DNM1L: variants seen among roughly 807,000 people sequenced by gnomAD.
DNM1L encodes the protein dynamin 1L.
DNM1L carries 33 observed loss-of-function variants against 92.8 expected under a neutral mutation model. That is an observed-to-expected ratio of 0.36 (90% CI 0.27 to 0.48). DNM1L has a LOEUF of 0.48. DNM1L is among the 20% of genes least tolerant of loss of function. The pLI is 0.99. For missense variants in DNM1L, 485 were observed against 888.8 expected, an observed-to-expected ratio of 0.55 and a Z score of 5.78; for synonymous variants, 284 against 305.0, an observed-to-expected ratio of 0.93 and a Z score of 0.72.
At chr12:32,718,537 A>C (rs1953657659) in intron 6 of DNM1L, 106 bp from the exon 7 acceptor site, 1 of 1,392,976 alleles carries the variant, frequency 7.2e-7, no homozygotes, top group Non-Finnish European at 1.0e-6. Context: ...AGGTAATACT[A>C]AGTGGGATTG....
In DNM1L at chr12:32,722,530, G is replaced by A. The variant is rs897648599; in HGVS notation, c.976G>A (p.Val326Met). The stretch of plus-strand genomic sequence containing the variant: ...TCTTCTAAATAGCTACGGTGAACCC[G>A]TGGATGATAAAAGTGCTACTTTACT... ...QSLLNSYGEP[V>M]DDKSATLLQL... is the part of the protein sequence containing the mutation. The change falls in exon 9 of 20, where the codon GTG becomes ATG. Residue 326 changes from valine to methionine, a missense_variant. Around this residue, in one of 11 missense-constraint regions of DNM1L, gnomAD observed 40 missense variants for 128.7 expected, o/e 0.31. Coordinates refer to ENST00000549701, the MANE Select transcript of DNM1L (RefSeq NM_012062.5). The A allele has an allele frequency of 1.2e-6, 2 of 1,613,380 alleles. No individual in the cohort carries two copies. The highest frequency in any genetic ancestry group is 1.7e-6 in the Non-Finnish European group (2 of 1,179,908).
At chr12:32,736,116 G>A (rs1005561939) in intron 13 of DNM1L, among the ~76,000 whole-genome samples, 1 of 143,426 alleles carries the variant, frequency 7.0e-6, no homozygotes, top group Admixed American at 7.3e-5. Flanking sequence ...CTGTCGCCCA[G>A]GCTGGAGTGC....
chr12:32,727,200 A>G, intron 9 of DNM1L: 1 of 1,064,286 alleles, frequency 9.4e-7, no homozygotes, highest in Non-Finnish European at 1.5e-6. Context: ...TGTATTAGTA[A>G]TCTCAGATTG....
intron 8 of DNM1L, among the ~76,000 whole-genome samples, chr12:32,721,522 G>GA (rs1242138532): frequency 1.3e-5 from 2 of 152,016 alleles, no homozygotes; most frequent in African/African-American, 2.4e-5. Flanking sequence ...TATTATTTAG[G>GA]AAAAACCAAT....
chr12:32,712,407 A>C lies in DNM1L; in HGVS notation c.457-802A>C, dbSNP rs552432687. On this transcript the variant is annotated intron_variant, in intron 5 of 19. Coordinates refer to ENST00000549701, the MANE Select transcript of DNM1L (RefSeq NM_012062.5). ...TCCCTTATTGGCTTAATTTCTGCTC[A>C]TTCTCTTAAGTGTCAGTTGTCTCAG... Among the ~76,000 whole-genome samples, 12 of 152,192 alleles carry C rather than the reference A, an allele frequency of 7.9e-5. No individual in the cohort carries two copies. In the South Asian group the frequency reaches 2.1e-3, roughly 26 times the overall value.
At chr12:32,682,211 CA>C (rs1336482500) in intron 1 of DNM1L, among the ~76,000 whole-genome samples, 1 of 151,962 alleles carries the variant, frequency 6.6e-6, no homozygotes, top group Non-Finnish European at 1.5e-5. Flanking sequence ...TGGTTCACTG[CA>C]ACCTCTGCCT....
intron 3 of DNM1L, among the ~76,000 whole-genome samples, chr12:32,707,635 T>C (rs1952976701): frequency 6.6e-6 from 1 of 152,148 alleles, no homozygotes; most frequent in Non-Finnish European, 1.5e-5. Flanking sequence ...TCTTAATTGT[T>C]GTGGGATCAG....
At chr12:32,718,953 AAT>A in intron 7 of DNM1L, among the ~76,000 whole-genome samples, 190 bp downstream of exon 7, 1 of 145,834 alleles carries the variant, frequency 6.9e-6, no homozygotes, top group African/African-American at 2.6e-5. Flanking sequence ...AAAGAGAGAG[AAT>A]TTTTTTTTTT....
chr12:32,683,264 C>T (rs958389088), intron 1 of DNM1L, among the ~76,000 whole-genome samples: 1 of 152,190 alleles, frequency 6.6e-6, no homozygotes, highest in African/African-American at 2.4e-5. Context: ...GGCTCTTTCA[C>T]CCAGGCTGGA....
At chr12:32,693,905 C>T (rs1355323894) in intron 1 of DNM1L, among the ~76,000 whole-genome samples, 6 of 152,148 alleles carry the variant, frequency 3.9e-5, no homozygotes, top group Non-Finnish European at 5.9e-5. Flanking sequence ...TCCCACATTG[C>T]TGGGGTTACA....
At chr12:32,741,978 T>C (rs934697067) in intron 18 of DNM1L, among the ~76,000 whole-genome samples, 4 of 152,252 alleles carry the variant, frequency 2.6e-5, no homozygotes, top group African/African-American at 9.6e-5. Flanking sequence ...TATGTAGATA[T>C]ACTGTGTTTA....
intron 16 of DNM1L, among the ~76,000 whole-genome samples, 200 bp downstream of exon 16, chr12:32,738,496 T>C (rs1209334554): frequency 6.6e-6 from 1 of 152,224 alleles, no homozygotes; most frequent in Non-Finnish European, 1.5e-5. Context: ...GCTTTCTCAC[T>C]GTTTTGTTAC....
At chr12:32,726,931 T>A in intron 9 of DNM1L, 1 of 708,896 alleles carries the variant, frequency 1.4e-6, no homozygotes, top group Admixed American at 2.2e-5. Flanking sequence ...ACAAAACTCA[T>A]AGGCAGGCCA....
intron 6 of DNM1L, among the ~76,000 whole-genome samples, chr12:32,717,217 A>G (rs1489542031): frequency 8.8e-6 from 1 of 113,654 alleles, no homozygotes; most frequent in Non-Finnish European, 1.7e-5. Context: ...ACTATAAAAT[A>G]TATAGTATAT....
Position 32,740,176 on chromosome 12 carries a change from C to G in DNM1L, c.1820C>G (p.Ser607Ter). ...KAEELLAEEKSKPIPIMPASP... is the reference protein window; with the variant it reads ...KAEELLAEEK ...GAAGAGTTATTAGCAGAAGAAAAAT[C>G]AAAACCCATTCCAATTATGCCAGCC... The change falls in exon 17 of 20, where the codon TCA (serine) becomes TGA (stop). Residue 607 changes from serine to a stop codon, truncating the protein, a stop_gained. Coordinates refer to ENST00000549701, the MANE Select transcript of DNM1L (RefSeq NM_012062.5). LOFTEE classifies it high-confidence loss of function. 1 of 1,614,070 alleles carries G rather than the reference C, an allele frequency of 6.2e-7. No individual in the cohort carries two copies. The highest frequency in any genetic ancestry group is 8.5e-7 in the Non-Finnish European group (1 of 1,180,008).
chr12:32,738,308 G>C lies in DNM1L; in HGVS notation c.1707+12G>C, dbSNP rs369436274. ...GAGAAACTAAAAATGTGAGTCTCTTGCTTCAGAATGGAAATGTTGGTACCT... is the reference window on the plus strand; with the variant it reads ...GAGAAACTAAAAATGTGAGTCTCTTCCTTCAGAATGGAAATGTTGGTACCT... On this transcript the variant is annotated intron_variant, in intron 16 of 19. Transcript: ENST00000549701. 5 of 1,613,330 alleles carry C rather than the reference G, an allele frequency of 3.1e-6. No homozygotes were observed. The African/African-American group carries it at 6.7e-5, about 22-fold the overall frequency.
At chr12:32,734,308 C>T (rs1954736062) in intron 13 of DNM1L, among the ~76,000 whole-genome samples, 1 of 152,112 alleles carries the variant, frequency 6.6e-6, no homozygotes, top group Non-Finnish European at 1.5e-5. Context: ...GGCTGGTGGA[C>T]AGAGCAATTT....
intron 8 of DNM1L, among the ~76,000 whole-genome samples, chr12:32,721,397 T>C (rs1441385375): frequency 1.3e-5 from 2 of 152,170 alleles, no homozygotes; most frequent in African/African-American, 4.8e-5. Context: ...TGGGTACCAA[T>C]TGTAAATGAC....
intron 1 of DNM1L, among the ~76,000 whole-genome samples, chr12:32,688,763 T>C (rs938077448): frequency 3.3e-5 from 5 of 152,226 alleles, no homozygotes; most frequent in East Asian, 3.8e-4. Context: ...TTCTGCCTTA[T>C]CAGATATCTG....
Sources: gnomAD v4.1 joint callset for allele counts (sites outside exome capture counted in the v4.1 genomes callset) on GRCh38, gnomAD v4.1.1 for gene constraint, gnomAD v4.1.1 regional missense constraint, MANE v1.5 for transcripts, NCBI Gene and HGNC (gene_info 2026-07-23, HGNC 2026-07-21) for gene names.